UST: variants seen among roughly 807,000 people sequenced by gnomAD.
The protein encoded by UST is uronyl 2-sulfotransferase, also known as chondroitin sulfate 2-O-sulfotransferase.
A neutral mutation model predicts 45.6 loss-of-function variants in UST; 21 were observed. The ratio of observed to expected loss-of-function variants is 0.46; its 90% CI spans 0.33 to 0.66. UST has a LOEUF of 0.66. UST is among the 30% of genes least tolerant of loss of function. The pLI, the probability that UST is intolerant of heterozygous loss-of-function variation, is 0.02. For missense variants in UST, 463 were observed against 512.4 expected (o/e 0.90, Z 0.93); for synonymous variants, 215 against 200.6 (o/e 1.07, Z -0.61).
chr6:148,845,172 G>A (rs943760464), intron 1 of UST, among the ~76,000 whole-genome samples: 3 of 152,164 alleles, frequency 2.0e-5, no homozygotes, highest in Non-Finnish European at 2.9e-5. Context: ...TAGCTGGGTC[G>A]AGTGGTTGTT....
At chr6:148,971,276 G>A (rs1780914221) in intron 5 of UST, among the ~76,000 whole-genome samples, 1 of 151,668 alleles carries the variant, frequency 6.6e-6, no homozygotes, top group Non-Finnish European at 1.5e-5. Flanking sequence ...TCCGTCATTC[G>A]TTCATTCACT....
intron 1 of UST, among the ~76,000 whole-genome samples, chr6:148,831,069 G>T (rs979561586): frequency 6.7e-6 from 1 of 149,912 alleles, no homozygotes; most frequent in Non-Finnish European, 1.5e-5. Flanking sequence ...GAAAGAAAAG[G>T]GGGGGGTGGG....
chr6:148,892,608 G>A (rs1278317703), intron 2 of UST, among the ~76,000 whole-genome samples: 1 of 152,122 alleles, frequency 6.6e-6, no homozygotes, highest in East Asian at 1.9e-4. Context: ...TTTCTCCATT[G>A]CACTAGCCAC....
intron 4 of UST, chr6:148,959,042 C>T (rs1780588649): frequency 6.6e-6 from 1 of 152,056 alleles, no homozygotes; most frequent in South Asian, 2.1e-4. Context: ...CCAATAGTAA[C>T]TTGCAAAAAC....
chr6:148,926,434 A>G (rs1779816384), intron 2 of UST, among the ~76,000 whole-genome samples: 1 of 152,242 alleles, frequency 6.6e-6, no homozygotes, highest in African/African-American at 2.4e-5. Flanking sequence ...TATTTCATGC[A>G]TTAAGCAGTC....
intron 4 of UST, among the ~76,000 whole-genome samples, chr6:148,954,618 G>A (rs1273099744): frequency 6.6e-6 from 1 of 152,142 alleles, no homozygotes; most frequent in Non-Finnish European, 1.5e-5. Context: ...GCAGTAGGCC[G>A]TGCCATCGAG....
chr6:148,834,681 A>G (rs1239463668), intron 1 of UST, among the ~76,000 whole-genome samples: 1 of 152,184 alleles, frequency 6.6e-6, no homozygotes. Context: ...GTGAACCGAG[A>G]TTGCGCCACT....
intron 1 of UST, among the ~76,000 whole-genome samples, chr6:148,875,005 C>T (rs546513291): frequency 6.6e-6 from 1 of 152,162 alleles, no homozygotes; most frequent in Non-Finnish European, 1.5e-5. Flanking sequence ...TCATAGGTAA[C>T]CGGAATCCTG....
At chr6:148,906,531 A>G (rs750557623) in intron 2 of UST, among the ~76,000 whole-genome samples, 63 of 152,302 alleles carry the variant, frequency 4.1e-4, no homozygotes, top group African/African-American at 1.3e-3. Flanking sequence ...CAGATACACA[A>G]TGGTCACTGA....
intron 1 of UST, among the ~76,000 whole-genome samples, chr6:148,750,370 T>A (rs1014227219): frequency 6.6e-6 from 1 of 152,326 alleles, no homozygotes; most frequent in South Asian, 2.1e-4. Flanking sequence ...GCATTCATAG[T>A]AAAAGCTAGT....
Position 149,074,444 on chromosome 6 carries a change from G to A in UST, c.*328G>A. 1 of 288,848 alleles carries A rather than the reference G, an allele frequency of 3.5e-6. No homozygotes were observed. The highest frequency in any genetic ancestry group is 6.3e-5 in the South Asian group (1 of 15,900). The allele number at this position is 288,848 out of a possible 1,614,324, so 17.9% of individuals were successfully genotyped here. On this transcript the variant is annotated 3_prime_UTR_variant, in exon 8 of 8. Transcript: ENST00000367463. ...CCCCTAGCCTAATAACTTATCATTT[G>A]TAAAATGACTTATAAAAATATTACC...
chr6:148,819,816 A>G (rs1305001996), intron 1 of UST, among the ~76,000 whole-genome samples: 2 of 152,226 alleles, frequency 1.3e-5, no homozygotes, highest in African/African-American at 4.8e-5. Flanking sequence ...TGAAAAAGAA[A>G]AAAATAGCAT....
intron 7 of UST, among the ~76,000 whole-genome samples, chr6:149,040,810 A>G (rs562950704): frequency 9.9e-5 from 15 of 152,252 alleles, no homozygotes; most frequent in African/African-American, 3.1e-4. Flanking sequence ...GGGCTCAGAA[A>G]CATCCAGGTA....
intron 1 of UST, among the ~76,000 whole-genome samples, chr6:148,863,639 T>C (rs1778362780): frequency 6.6e-6 from 1 of 152,222 alleles, no homozygotes; most frequent in Admixed American, 6.5e-5. Flanking sequence ...TGTGGTTTTA[T>C]CTACCTTTGG....
In UST at chr6:149,075,784, G is replaced by A. The variant is rs1470011788; in HGVS notation, c.*1668G>A. On this transcript the variant is annotated 3_prime_UTR_variant, in exon 8 of 8. Coordinates refer to ENST00000367463, the MANE Select transcript of UST (RefSeq NM_005715.3). Reference sequence around the variant, plus strand: ...GTCTATTTCATATTTGTCCCCTAGAGCCAGCCCTAGCAAATGTGTGAGTTG... The same window carrying A: ...GTCTATTTCATATTTGTCCCCTAGAACCAGCCCTAGCAAATGTGTGAGTTG... 2 of 152,236 alleles carry A rather than the reference G, an allele frequency of 1.3e-5. No individual in the cohort carries two copies. The highest frequency in any genetic ancestry group is 2.1e-4 in the South Asian group (1 of 4,826). 9.4% of individuals were successfully genotyped at this position (152,236 alleles called of 1,614,324 possible).
At chr6:148,999,843 C>T (rs1351945899) in intron 5 of UST, among the ~76,000 whole-genome samples, 1 of 152,206 alleles carries the variant, frequency 6.6e-6, no homozygotes, top group African/African-American at 2.4e-5. Flanking sequence ...ATAGCCCATA[C>T]AGGGCTCCCA....
intron 1 of UST, among the ~76,000 whole-genome samples, chr6:148,855,603 C>A (rs1486338946): frequency 1.3e-5 from 2 of 152,124 alleles, no homozygotes; most frequent in Non-Finnish European, 2.9e-5. Flanking sequence ...AAAAAAGGAT[C>A]CAAGGAAGGT....
At chr6:148,778,034 A>G (rs1047686519) in intron 1 of UST, among the ~76,000 whole-genome samples, 1 of 152,216 alleles carries the variant, frequency 6.6e-6, no homozygotes, top group African/African-American at 2.4e-5. Flanking sequence ...TGTTTGTACA[A>G]TGATGAAATG....
In UST at chr6:148,982,418, G is replaced by C. The variant is rs572561424; in HGVS notation, c.681+17855G>C. Among the ~76,000 whole-genome samples, 4 of 152,214 alleles carry C rather than the reference G, an allele frequency of 2.6e-5. No individual in the cohort carries two copies. The East Asian group carries it at 7.7e-4, about 29-fold the overall frequency. On this transcript the variant is annotated intron_variant, in intron 5 of 7. Coordinates refer to ENST00000367463, the MANE Select transcript of UST (RefSeq NM_005715.3). ...CCAACCTGTCAAGCCCTTTTGTAAG[G>C]CCACCTAGTCCCATTCACAAGGGAA...
Sources: gnomAD v4.1 joint callset for allele counts (sites outside exome capture counted in the v4.1 genomes callset) on GRCh38, gnomAD v4.1.1 for gene constraint, MANE v1.5 for transcripts, NCBI Gene and HGNC (gene_info 2026-07-23, HGNC 2026-07-21) for gene names.